Variants in GRIN2A observed in about 807,000 individuals in gnomAD.
GRIN2A encodes the protein glutamate ionotropic receptor NMDA type subunit 2A.
A neutral mutation model predicts 113.4 loss-of-function variants in GRIN2A; 22 were observed. That is an observed-to-expected ratio of 0.19 (90% CI 0.14 to 0.28). The LOEUF (loss-of-function observed/expected upper bound fraction) is 0.28. Ranked by LOEUF, GRIN2A falls within the 10% of genes least tolerant of loss-of-function variation. The pLI is 1.00. For synonymous variants in GRIN2A, 827 were observed against 738.4 expected (o/e 1.12, Z -1.94); for missense variants, 1,502 against 1,887.0 (o/e 0.80, Z 3.78).
chr16:10,149,365 C>A (rs1189169425), intron 2 of GRIN2A, among the ~76,000 whole-genome samples: 2 of 152,116 alleles, frequency 1.3e-5, no homozygotes, highest in Non-Finnish European at 2.9e-5. Context: ...TATGTATGCA[C>A]AATAATTAAC....
intron 2 of GRIN2A, among the ~76,000 whole-genome samples, chr16:10,140,776 C>T (rs544973159): frequency 1.5e-4 from 23 of 152,276 alleles, no homozygotes; most frequent in Non-Finnish European, 2.6e-4. Context: ...GATGAAGCGA[C>T]CAGGAAGTGG....
intron 9 of GRIN2A, among the ~76,000 whole-genome samples, chr16:9,823,284 T>C (rs148792192): frequency 6.6e-6 from 1 of 152,326 alleles, no homozygotes; most frequent in East Asian, 1.9e-4. Flanking sequence ...GCTGTGGTTA[T>C]AAGCAGGAGC....
At chr16:9,871,500 T>A (rs768616056) in intron 4 of GRIN2A, among the ~76,000 whole-genome samples, 2 of 152,004 alleles carry the variant, frequency 1.3e-5, no homozygotes, top group Non-Finnish European at 2.9e-5. Context: ...AGAGTCTAGA[T>A]TGCACTTTGT....
chr16:10,027,544 A>C (rs572011666), intron 2 of GRIN2A: 12 of 152,336 alleles, frequency 7.9e-5, no homozygotes, highest in African/African-American at 2.9e-4. Context: ...TAAGATGACA[A>C]ATCCTGCTCT....
chr16:9,868,045 T>C (rs148180080), intron 4 of GRIN2A, among the ~76,000 whole-genome samples: 13 of 152,290 alleles, frequency 8.5e-5, no homozygotes, highest in African/African-American at 3.1e-4. Context: ...AAATATCCAT[T>C]AATTCATCTC....
chr16:9,830,614 C>T (rs2042474841), intron 8 of GRIN2A, among the ~76,000 whole-genome samples: 1 of 151,958 alleles, frequency 6.6e-6, no homozygotes, highest in Admixed American at 6.6e-5. Flanking sequence ...TGTCACCTGC[C>T]AATATAAGCA....
chr16:10,102,195 T>C (rs2048413146), intron 2 of GRIN2A, among the ~76,000 whole-genome samples: 1 of 152,236 alleles, frequency 6.6e-6, no homozygotes, highest in Non-Finnish European at 1.5e-5. Context: ...GTGTTGGAGG[T>C]AGGGCCTGGC....
At chr16:9,875,004 C>G (rs1036666140) in intron 4 of GRIN2A, among the ~76,000 whole-genome samples, 1 of 151,630 alleles carries the variant, frequency 6.6e-6, no homozygotes, top group Non-Finnish European at 1.5e-5. Context: ...TGGATAATTG[C>G]TCAAGCCCAG....
intron 2 of GRIN2A, among the ~76,000 whole-genome samples, chr16:9,970,592 A>G (rs2045650821): frequency 6.6e-6 from 1 of 151,130 alleles, no homozygotes. Flanking sequence ...GGGGAAATAA[A>G]TCTGGAATCG....
chr16:10,030,814 T>C (rs2046914190), intron 2 of GRIN2A, among the ~76,000 whole-genome samples: 1 of 152,188 alleles, frequency 6.6e-6, no homozygotes, highest in South Asian at 2.1e-4. Context: ...CAATCTCAGA[T>C]ACTATTTAAG....
chr16:10,073,133 G>A (rs569426037), intron 2 of GRIN2A, among the ~76,000 whole-genome samples: 2 of 151,534 alleles, frequency 1.3e-5, no homozygotes, highest in East Asian at 3.9e-4. Flanking sequence ...TTTTTGTATT[G>A]TTAGTAGAGA....
chr16:9,832,056 A>G (rs2042504659), intron 8 of GRIN2A, among the ~76,000 whole-genome samples: 1 of 151,914 alleles, frequency 6.6e-6, no homozygotes, highest in African/African-American at 2.4e-5. Flanking sequence ...GTAGCCGGGA[A>G]TACAGGCACG....
intron 3 of GRIN2A, among the ~76,000 whole-genome samples, chr16:9,909,621 C>T (rs2044095034): frequency 6.6e-6 from 1 of 152,178 alleles, no homozygotes; most frequent in Non-Finnish European, 1.5e-5. Context: ...GTGTGGATCA[C>T]ATTCAAGGAG....
At chr16:10,044,036 GAGAGAGAGAGACAGAGAC>G (rs1567257992) in intron 2 of GRIN2A, among the ~76,000 whole-genome samples, 30 of 141,288 alleles carry the variant, frequency 2.1e-4, no homozygotes, top group African/African-American at 8.0e-4. Flanking sequence ...GAGAGAGAGA[GAGAGAGAGAGACAGAGAC>G]AGAGACAGAG....
rs1457079236 is a variant in GRIN2A, at chr16:9,764,893, T to C, written c.2651A>G (p.Asp884Gly). Residue 884 changes from aspartate to glycine, a missense_variant, in exon 13 of 13, where the codon GAC (aspartate) becomes GGC (glycine). Asp to Gly is a moderately conservative substitution (Grantham distance 94). This residue lies in a region of GRIN2A where 832 missense variants were observed against 789.7 expected (regional missense o/e 1.05). Transcript: ENST00000330684. Reference protein sequence around the residue: ...VHIEEKKKSPDFNLTGSQSNM... With the variant: ...VHIEEKKKSPGFNLTGSQSNM... ...GCTCTGGGATCCCGTCAGATTGAAG[T>C]CTGGAGACTTCTTCTTTTCTTCAAT... The C allele has an allele frequency of 1.2e-6, 2 of 1,614,032 alleles. No individual in the cohort carries two copies. Among genetic ancestry groups the C allele is most frequent in the African/African-American group, 2.7e-5 (2 of 74,930 alleles).
rs1282664179 is a variant in GRIN2A at position 10,180,132 on chromosome 16, G to A, written c.280C>T (p.Arg94Cys). The A allele has an allele frequency of 5.0e-6, 8 of 1,614,106 alleles. No homozygotes were observed. The highest frequency in any genetic ancestry group is 6.8e-6 in the Non-Finnish European group (8 of 1,180,048). ...THVCDLMSGA[R>C]IHGLVFGDDT... ...TCCCCAAACACGAGGCCGTGGATGC[G>A]TGCCCCGGACATGAGGTCGCACACG... Residue 94 changes from arginine to cysteine, a missense_variant, in exon 2 of 13, where the codon CGC (arginine) becomes TGC (cysteine). Arg to Cys is a radical substitution (Grantham distance 180). Around this residue, in one of 7 missense-constraint regions of GRIN2A, gnomAD observed 149 missense variants for 179.1 expected, o/e 0.83. Coordinates refer to ENST00000330684, the MANE Select transcript of GRIN2A (RefSeq NM_001134407.3). This position sits in a 1 kb window ranked among gnomAD's most constrained non-coding sequence, Gnocchi z 7.0.
chr16:10,101,584 T>C (rs528163301), intron 2 of GRIN2A, among the ~76,000 whole-genome samples: 30 of 152,186 alleles, frequency 2.0e-4, no homozygotes, highest in Non-Finnish European at 3.4e-4. Flanking sequence ...GGTGGTGATG[T>C]TGCCAGTTCT....
chr16:9,886,123 G>C (rs949118680), intron 4 of GRIN2A, among the ~76,000 whole-genome samples: 2 of 152,156 alleles, frequency 1.3e-5, no homozygotes, highest in African/African-American at 4.8e-5. Flanking sequence ...CTCCAGGACT[G>C]GTTAAAACCA....
chr16:10,028,744 T>C (rs545308832), intron 2 of GRIN2A, among the ~76,000 whole-genome samples: 1 of 152,218 alleles, frequency 6.6e-6, no homozygotes, highest in African/African-American at 2.4e-5. Flanking sequence ...GTAAATATTT[T>C]GAGCTTTGCA....
Sources: allele counts gnomAD v4.1 joint callset (sites outside exome capture counted in the v4.1 genomes callset), GRCh38; gene constraint gnomAD v4.1.1; regional missense constraint gnomAD v4.1.1; non-coding constraint Gnocchi (gnomAD v3.1); transcripts MANE v1.5; gene names NCBI Gene and HGNC (gene_info 2026-07-23, HGNC 2026-07-21).